STYXL1: variants seen among roughly 807,000 people sequenced by gnomAD.
STYXL1 encodes serine/threonine/tyrosine-interacting-like protein 1.
Under a neutral mutation model 36.4 loss-of-function variants are expected in STYXL1, and 32 were observed. That is an observed-to-expected ratio of 0.88 (90% CI 0.66 to 1.18). The LOEUF (loss-of-function observed/expected upper bound fraction) is 1.18. Among genes scored for constraint, STYXL1 ranks in the 50% most tolerant of loss-of-function variants. STYXL1 has a pLI of 0.00. For missense variants in STYXL1, 354 were observed against 394.1 expected (o/e 0.90, Z 0.86); for synonymous variants, 133 against 144.1 (o/e 0.92, Z 0.55).
In STYXL1 at chr7:75,996,486, G is replaced by C; in HGVS notation, c.924C>G (p.Ile308Met). 1 of 1,614,222 alleles carries C rather than the reference G, an allele frequency of 6.2e-7. No homozygotes were observed. The highest frequency in any genetic ancestry group is 8.5e-7 in the Non-Finnish European group (1 of 1,180,038). ...KTILGDSITN[I>M]MDPLY ...GAGAAGATCAGTAGAGCGGATCCAT[G>C]ATGTTTGTGATGGAATCTCCAAGGA... Residue 308 changes from isoleucine (I) to methionine (M), a missense_variant, in exon 9 of 9, where the codon ATC becomes ATG. By Grantham distance (10) the Ile-to-Met change is conservative (BLOSUM62 1). Coordinates refer to ENST00000359697, the MANE Select transcript of STYXL1 (RefSeq NM_001317785.2).
Position 75,996,455 on chromosome 7 carries a change from G to C in STYXL1, c.*13C>G, listed in dbSNP as rs1790134920. On this transcript the variant is annotated 3_prime_UTR_variant, in exon 9 of 9. Transcript: ENST00000359697. ...GAGGCTCTTCAGTACCCTTCGGTGG[G>C]CCTCGGAGAAGATCAGTAGAGCGGA... 3 of 1,614,114 alleles carry C rather than the reference G, an allele frequency of 1.9e-6. No homozygotes were observed. The highest frequency in any genetic ancestry group is 2.5e-6 in the Non-Finnish European group (3 of 1,179,994).
At chr7:76,019,359 C>T (rs553749006) in intron 4 of STYXL1, among the ~76,000 whole-genome samples, 1 of 150,466 alleles carries the variant, frequency 6.6e-6, no homozygotes, top group South Asian at 2.1e-4. Context: ...TACAGTGGTA[C>T]AGTCATAGCT....
chr7:76,027,006 T>C (rs1794789343), intron 3 of STYXL1, among the ~76,000 whole-genome samples: 1 of 151,552 alleles, frequency 6.6e-6, no homozygotes, highest in African/African-American at 2.4e-5. Context: ...GAGGTTGCAG[T>C]GAGCCGAAAT....
At chr7:76,005,837 G>T (rs1448034500) in intron 5 of STYXL1, among the ~76,000 whole-genome samples, 1 of 24,332 alleles carries the variant, frequency 4.1e-5, no homozygotes, top group East Asian at 8.8e-4. Flanking sequence ...GAAGAGAGAG[G>T]AGGAGGAAGA....
intron 5 of STYXL1, 45 bp from the exon 6 acceptor site, chr7:76,005,449 G>A: frequency 6.5e-7 from 1 of 1,541,718 alleles, no homozygotes; most frequent in Non-Finnish European, 8.9e-7. Context: ...TATTCCTCAG[G>A]GAAGAGGGAT....
At chr7:76,026,884 T>C (rs1563505090) in intron 3 of STYXL1, among the ~76,000 whole-genome samples, 2 of 151,962 alleles carry the variant, frequency 1.3e-5, no homozygotes, top group African/African-American at 4.8e-5. Flanking sequence ...CTGTCTCTAC[T>C]AAAGATACAA....
intron 3 of STYXL1, among the ~76,000 whole-genome samples, chr7:76,022,196 G>C (rs2116079470): frequency 6.6e-6 from 1 of 152,296 alleles, no homozygotes; most frequent in South Asian, 2.1e-4. Context: ...TCCCTTCTGA[G>C]AAAAGCTGAC....
At chr7:76,046,321 TGTGTGTGTGTGTGTGTGTGCGCGCGC>T (rs1359382394) in intron 1 of STYXL1, among the ~76,000 whole-genome samples, 1,418 of 32,864 alleles carry the variant, frequency 0.043, 36 homozygotes, top group Middle Eastern at 0.14. Context: ...TGTGTGTGTG[TGTGTGTGTGTGTGTGTGTGCGCGCGC>T]GCGCGCGCGC....
intron 1 of STYXL1, among the ~76,000 whole-genome samples, chr7:76,037,267 C>A (rs1478884655): frequency 1.3e-5 from 2 of 150,376 alleles, no homozygotes; most frequent in Non-Finnish European, 1.5e-5. Context: ...GTCAAGACAG[C>A]AGGGTGCTAG....
At chr7:76,033,592 TG>T (rs139779047) in intron 1 of STYXL1, among the ~76,000 whole-genome samples, 1 of 152,292 alleles carries the variant, frequency 6.6e-6, no homozygotes, top group East Asian at 1.9e-4. Context: ...ACGATGCTCC[TG>T]GGAAATGCCA....
chr7:76,029,864 G>GA (rs1795131327), intron 2 of STYXL1, among the ~76,000 whole-genome samples: 1 of 152,170 alleles, frequency 6.6e-6, no homozygotes, highest in African/African-American at 2.4e-5. Context: ...TAATGCAAGC[G>GA]ATGGGGAGTG....
rs1421403301 is a variant in STYXL1, at chr7:75,999,551, G to GTGTGTGTGTGTA, written c.810+1338_810+1339insTACACACACACA. ...TGTGTGTGTGTGTGTGTGTGTGTGT[G>GTGTGTGTGTGTA]TATATTTTTTTTTGAGACAGAGTTT... On this transcript the variant is annotated intron_variant, in intron 8 of 8. Coordinates refer to ENST00000359697, the MANE Select transcript of STYXL1 (RefSeq NM_001317785.2). Among the ~76,000 whole-genome samples, 23 of 80,132 alleles carry GTGTGTGTGTGTA rather than the reference G, an allele frequency of 2.9e-4. 1 individual carries two copies. The South Asian group carries it at 8.3e-3, about 29-fold the overall frequency. The allele number at this position is 80,132 out of a possible 152,430, so 52.6% of individuals were successfully genotyped here. A position where few individuals can be genotyped will look rare whatever the true frequency, so the allele number is the denominator to read the frequency against.
At chr7:76,024,499 C>T (rs926628379) in intron 3 of STYXL1, among the ~76,000 whole-genome samples, 5 of 152,010 alleles carry the variant, frequency 3.3e-5, no homozygotes, top group Non-Finnish European at 5.9e-5. Flanking sequence ...CACCTATGGT[C>T]CCAGCTACTG....
intron 5 of STYXL1, among the ~76,000 whole-genome samples, chr7:76,009,733 A>T (rs1554571687): frequency 6.6e-6 from 1 of 152,194 alleles, no homozygotes. Context: ...TTGTGTAAAC[A>T]AGGTCTTACT....
chr7:76,037,954 CTGAGA>C (rs1299370668), intron 1 of STYXL1, among the ~76,000 whole-genome samples: 1 of 150,190 alleles, frequency 6.7e-6, no homozygotes, highest in African/African-American at 2.4e-5. Context: ...CACCTGTAAG[CTGAGA>C]TAATACACAC....
At chr7:76,012,397 C>T (rs1287836337) in intron 5 of STYXL1, among the ~76,000 whole-genome samples, 2 of 151,842 alleles carry the variant, frequency 1.3e-5, no homozygotes, top group Non-Finnish European at 2.9e-5. Context: ...CATCTCTTTT[C>T]TAAATTATTT....
At position 76,038,360 on chromosome 7, in the gene STYXL1, C is replaced by T. The variant is rs192750976; in HGVS notation, c.-4-7833G>A. Among the ~76,000 whole-genome samples, 108 of 149,458 alleles carry T rather than the reference C, an allele frequency of 7.2e-4. 9 individuals are homozygous for T. The highest frequency in any genetic ancestry group is 6.8e-3 in the Admixed American group (102 of 14,982). On this transcript the variant is annotated intron_variant, in intron 1 of 8. Coordinates refer to ENST00000359697, the MANE Select transcript of STYXL1 (RefSeq NM_001317785.2). The stretch of plus-strand genomic sequence containing the variant: ...CTCCTCTGTCGTCCCAGAAAAACCT[C>T]CCTACTCGTTATGTGACTTCGAGGC...
chr7:76,038,714 C>CTGCGCCCAGCCAAGGGT (rs1796189363), intron 1 of STYXL1, among the ~76,000 whole-genome samples: 28 of 150,114 alleles, frequency 1.9e-4, no homozygotes, highest in African/African-American at 6.8e-4. Flanking sequence ...GCGTGAGCCA[C>CTGCGCCCAGCCAAGGGT]CGTTGAATGA....
intron 1 of STYXL1, among the ~76,000 whole-genome samples, chr7:76,041,987 T>C (rs797028480): frequency 2.6e-5 from 4 of 152,330 alleles, no homozygotes; most frequent in African/African-American, 9.6e-5. Flanking sequence ...CTTCACTGTA[T>C]GAAAACCGTA....
Sources: gnomAD v4.1 joint callset for allele counts (sites outside exome capture counted in the v4.1 genomes callset) on GRCh38, gnomAD v4.1.1 for gene constraint, MANE v1.5 for transcripts, NCBI Gene and HGNC (gene_info 2026-07-23, HGNC 2026-07-21) for gene names.